Variants in FBLN7 observed in about 807,000 individuals in gnomAD.
FBLN7 encodes fibulin-7.
FBLN7 carries 31 observed loss-of-function variants against 44.0 expected under a neutral mutation model. The observed-to-expected ratio is 0.70, with a 90% confidence interval of 0.53 to 0.95. The LOEUF is 0.95. Ranked by LOEUF, FBLN7 falls within the 40% of genes least tolerant of loss-of-function variation. FBLN7 has a pLI of 0.00. For synonymous variants in FBLN7, 262 were observed against 253.4 expected, an observed-to-expected ratio of 1.03 and a Z score of -0.32; for missense variants, 573 against 618.5, an observed-to-expected ratio of 0.93 and a Z score of 0.78.
intron 1 of FBLN7, among the ~76,000 whole-genome samples, chr2:112,156,266 T>C (rs1040728561): frequency 6.6e-6 from 1 of 152,054 alleles, no homozygotes; most frequent in African/African-American, 2.4e-5. Flanking sequence ...TCCATTGGGG[T>C]GGCCGGCGGG....
intron 3 of FBLN7, among the ~76,000 whole-genome samples, chr2:112,174,285 A>C (rs1171568903): frequency 6.6e-6 from 1 of 152,242 alleles, no homozygotes; most frequent in African/African-American, 2.4e-5. Flanking sequence ...AGAATGTATG[A>C]GGGACAGTGC....
At chr2:112,197,954 G>T in the FBLN7 span, among the ~76,000 whole-genome samples, 1 of 152,068 alleles carries the variant, frequency 6.6e-6, no homozygotes, top group African/African-American at 2.4e-5. Context: ...ATGAAACAAG[G>T]GGCTCAATCA....
chr2:112,161,120 G>A (rs1240314520), intron 2 of FBLN7, among the ~76,000 whole-genome samples: 1 of 152,162 alleles, frequency 6.6e-6, no homozygotes, highest in Non-Finnish European at 1.5e-5. Flanking sequence ...CTTTCACACC[G>A]CCAAGACCCA....
chr2:112,138,552 G>T lies in FBLN7; in HGVS notation c.-104G>T, dbSNP rs1328340815. Reference sequence around the variant, plus strand: ...TGCCCCAGCCGCCCCCCGGCCGCGCGGCGCCCCGCACCCTGCAGGGACGGC... The same window carrying T: ...TGCCCCAGCCGCCCCCCGGCCGCGCTGCGCCCCGCACCCTGCAGGGACGGC... On this transcript the variant is annotated 5_prime_UTR_variant, in exon 1 of 8. Coordinates refer to ENST00000331203, the MANE Select transcript of FBLN7 (RefSeq NM_153214.3). The T allele has an allele frequency of 6.3e-6, 9 of 1,435,822 alleles. 1 individual carries two copies. The South Asian group carries it at 1.1e-4, about 18-fold the overall frequency. 88.9% of individuals were successfully genotyped at this position (1,435,822 alleles called of 1,614,324 possible).
chr2:112,159,966 C>G, intron 2 of FBLN7, 131 bp downstream of exon 2: 2 of 619,502 alleles, frequency 3.2e-6, no homozygotes, highest in Non-Finnish European at 4.7e-6. Context: ...CAACTGTGGC[C>G]CCCCCTTTTT....
chr2:112,159,735 G>A lies in FBLN7; in HGVS notation c.135G>A (p.Lys45=). 6.3e-7 allele frequency: 1 copy of A among 1,596,656 alleles called. No homozygotes were observed. The highest frequency in any genetic ancestry group is 1.1e-5 in the South Asian group (1 of 88,868). ...SAIRQLQQLL[K]GQETRFAEGI... is the part of the protein sequence containing the mutation. ...TCCGCCAGCTGCAGCAGCTGCTGAA[G>A]GGCCAGGAGACACGCTTCGCCGAGG... The change falls in exon 2 of 8, where the codon AAG becomes AAA. Residue 45 remains lysine, a synonymous_variant. Transcript: ENST00000331203.
the FBLN7 span, among the ~76,000 whole-genome samples, chr2:112,195,771 C>T: frequency 6.6e-6 from 1 of 152,258 alleles, no homozygotes; most frequent in Non-Finnish European, 1.5e-5. Flanking sequence ...TCCACAAGAG[C>T]AGGCATCTTG....
intron 3 of FBLN7, among the ~76,000 whole-genome samples, chr2:112,168,791 G>T (rs1285914283): frequency 6.6e-6 from 1 of 152,196 alleles, no homozygotes; most frequent in Non-Finnish European, 1.5e-5. Flanking sequence ...CACAGAGTGG[G>T]GGTGGGGCAT....
chr2:112,182,926 AG>A lies in FBLN7; in HGVS notation c.808+1del, dbSNP rs1558895815. 1 of 1,612,136 alleles carries A rather than the reference AG, an allele frequency of 6.2e-7. No individual in the cohort carries two copies. The highest frequency in any genetic ancestry group is 8.5e-7 in the Non-Finnish European group (1 of 1,179,746). ...ACTCTGGCTGACGGGAAGAGCTGTG[AG>A]GGTGAGTGAGGCTACAGAGTGTCGT... ...YRTLADGKSC[E>X]DVDECVGLQP... is the part of the protein sequence containing the mutation. On this transcript the variant is annotated frameshift_variant and splice_region_variant, in exon 6 of 8. Transcript: ENST00000331203. LOFTEE classifies it high-confidence loss of function.
At chr2:112,160,679 GACGCACGCACACGCACAC>G (rs1681727682) in intron 2 of FBLN7, among the ~76,000 whole-genome samples, 2 of 118,216 alleles carry the variant, frequency 1.7e-5, no homozygotes, top group African/African-American at 6.7e-5. Context: ...CGCACACGCA[GACGCACGCACACGCACAC>G]ACGCACGCAC....
chr2:112,169,610 T>C (rs1682345882), intron 3 of FBLN7, among the ~76,000 whole-genome samples: 2 of 152,318 alleles, frequency 1.3e-5, no homozygotes, highest in East Asian at 1.9e-4. Context: ...CATTCTTTCA[T>C]TCAGCCAATT....
At chr2:112,185,564 A>T (rs1451786194) in intron 7 of FBLN7, among the ~76,000 whole-genome samples, 1 of 152,230 alleles carries the variant, frequency 6.6e-6, no homozygotes, top group Admixed American at 6.5e-5. Flanking sequence ...GGAGTAATAT[A>T]CTAAGTGCAC....
At chr2:112,206,714 A>T in the FBLN7 span, among the ~76,000 whole-genome samples, 2 of 140,262 alleles carry the variant, frequency 1.4e-5, no homozygotes, top group East Asian at 4.2e-4. Flanking sequence ...CTGGGCTTCT[A>T]TTATCTTTCT....
chr2:112,185,082 A>G (rs1020618655), intron 6 of FBLN7, 119 bp from the exon 7 acceptor site: 5 of 1,352,380 alleles, frequency 3.7e-6, no homozygotes, highest in Non-Finnish European at 5.0e-6. Context: ...TGCTTTAAGA[A>G]TAAGTGCCAG....
At chr2:112,163,206 T>C (rs1008321143) in intron 2 of FBLN7, among the ~76,000 whole-genome samples, 2 of 152,076 alleles carry the variant, frequency 1.3e-5, no homozygotes, top group African/African-American at 4.8e-5. Context: ...CCAGGTGGGA[T>C]TTTGGGCAGG....
the FBLN7 span, among the ~76,000 whole-genome samples, chr2:112,219,842 G>A: frequency 6.6e-6 from 1 of 152,102 alleles, no homozygotes; most frequent in South Asian, 2.1e-4. Context: ...CTACCTCAAC[G>A]ATCTAATACT....
the FBLN7 span, among the ~76,000 whole-genome samples, chr2:112,232,581 G>T: frequency 1.3e-5 from 2 of 152,042 alleles, no homozygotes; most frequent in South Asian, 4.1e-4. Context: ...ATTCCTTTGG[G>T]GGTGGAGGAA....
intron 7 of FBLN7, among the ~76,000 whole-genome samples, chr2:112,186,747 A>G (rs12999276): frequency 0.027 from 4,078 of 152,342 alleles, 91 homozygotes; most frequent in Non-Finnish European, 0.044. Flanking sequence ...AGGTCCTGCC[A>G]TTACTGGGCG....
At chr2:112,168,740 T>C (rs1682295434) in intron 3 of FBLN7, among the ~76,000 whole-genome samples, 1 of 152,208 alleles carries the variant, frequency 6.6e-6, no homozygotes, top group South Asian at 2.1e-4. Context: ...ACCCACTGCA[T>C]GTTCCAAACC....
Sources: allele counts gnomAD v4.1 joint callset (sites outside exome capture counted in the v4.1 genomes callset), GRCh38; gene constraint gnomAD v4.1.1; transcripts MANE v1.5; gene names NCBI Gene and HGNC (gene_info 2026-07-23, HGNC 2026-07-21).